Variants in GCA observed in about 807,000 individuals in gnomAD.
The protein encoded by GCA is grancalcin, EF-hand calcium-binding protein.
Under a neutral mutation model 32.6 loss-of-function variants are expected in GCA, and 30 were observed. The ratio of observed to expected loss-of-function variants is 0.92; its 90% CI spans 0.69 to 1.25. GCA has a LOEUF of 1.25. Ranked by LOEUF, GCA falls within the 50% of genes most tolerant of loss-of-function variation. The probability of loss-of-function intolerance (pLI) is 0.00; values close to 1 mark genes in which losing one functional copy is unlikely to be tolerated. For synonymous variants in GCA, 102 were observed against 84.6 expected (o/e 1.21, Z -1.13); for missense variants, 291 against 266.8 (o/e 1.09, Z -0.63).
chr2:162,347,764 A>G, intron 2 of GCA, 22 bp downstream of exon 2: 3 of 1,390,316 alleles, frequency 2.2e-6, no homozygotes, highest in East Asian at 2.4e-5. Flanking sequence ...AATTTATTGC[A>G]TAAATATGTC....
intron 3 of GCA, among the ~76,000 whole-genome samples, chr2:162,354,828 C>T (rs1685183547): frequency 1.3e-5 from 2 of 152,138 alleles, no homozygotes; most frequent in South Asian, 4.1e-4. Flanking sequence ...TCAGTTTACT[C>T]TCCATTCTAA....
In GCA at chr2:162,361,624, A is replaced by G. The variant is rs1282269107; in HGVS notation, c.*1381A>G. On this transcript the variant is annotated 3_prime_UTR_variant, in exon 8 of 8. Transcript: ENST00000437150. ...AAATCCTGGAAAGGAAGTAACGCATAGTCACTTGACACTGATAATTTTATA... is the reference window on the plus strand; with the variant it reads ...AAATCCTGGAAAGGAAGTAACGCATGGTCACTTGACACTGATAATTTTATA... 27 of 982,026 alleles carry G rather than the reference A, an allele frequency of 2.7e-5. No individual in the cohort carries two copies. The highest frequency in any genetic ancestry group is 2.9e-5 in the Non-Finnish European group (24 of 827,122). The allele number at this position is 982,026 out of a possible 1,614,324, so 60.8% of individuals were successfully genotyped here. A position where few individuals can be genotyped will look rare whatever the true frequency, so the allele number is the denominator to read the frequency against.
upstream of GCA, chr2:162,344,037 T>A (rs547482928): frequency 7.8e-5 from 47 of 600,076 alleles, no homozygotes; most frequent in African/African-American, 8.5e-4. Context: ...TGCAGCTGAG[T>A]TGGCTCCAAA....
intron 1 of GCA, among the ~76,000 whole-genome samples, chr2:162,324,330 G>T (rs532034638): frequency 6.6e-6 from 1 of 152,136 alleles, no homozygotes; most frequent in Non-Finnish European, 1.5e-5. Context: ...AGTGGAGGTA[G>T]CTCAGGGGAA....
At chr2:162,332,331 A>G (rs1684123738) in intron 1 of GCA, among the ~76,000 whole-genome samples, 2 of 145,318 alleles carry the variant, frequency 1.4e-5, no homozygotes, top group African/African-American at 5.0e-5. Flanking sequence ...AAATATATAT[A>G]TATATATAAT....
In GCA at chr2:162,362,242, T is replaced by C. The variant is rs1471047927; in HGVS notation, c.*1999T>C. ...ATTTGACCCAGTTTTTTCCAAACTT[T>C]TTGACCACAGAACCCCTTTCTCTAG... On this transcript the variant is annotated 3_prime_UTR_variant, in exon 8 of 8. Transcript: ENST00000437150. 1 of 984,634 alleles carries C rather than the reference T, an allele frequency of 1.0e-6. No individual in the cohort carries two copies. Among genetic ancestry groups the C allele is most frequent in the South Asian group, 4.7e-5 (1 of 21,286 alleles). 61.0% of individuals were successfully genotyped at this position (984,634 alleles called of 1,614,324 possible).
intron 2 of GCA, among the ~76,000 whole-genome samples, chr2:162,348,271 C>T (rs3788965): frequency 0.12 from 17,596 of 151,974 alleles, 2,329 homozygotes; most frequent in African/African-American, 0.29. Context: ...GTAGGAAGCA[C>T]TTTAAAAAAT....
chr2:162,329,344 TGTA>T (rs1683995307), intron 1 of GCA, among the ~76,000 whole-genome samples: 1 of 152,200 alleles, frequency 6.6e-6, no homozygotes, highest in African/African-American at 2.4e-5. Context: ...GTAGGAAGGC[TGTA>T]GAATTAATTA....
chr2:162,328,045 A>C (rs537280929), intron 1 of GCA, among the ~76,000 whole-genome samples: 101 of 152,122 alleles, frequency 6.6e-4, no homozygotes, highest in South Asian at 4.1e-3. Context: ...CCGTCGCTGC[A>C]CTGTGGGAGC....
At chr2:162,346,213 A>G (rs77038969) in intron 1 of GCA, among the ~76,000 whole-genome samples, 1 of 151,808 alleles carries the variant, frequency 6.6e-6, no homozygotes, top group Non-Finnish European at 1.5e-5. Context: ...AGTGTTTTCA[A>G]TAATAAAAAA....
At chr2:162,324,190 A>C (rs1363282317) in intron 1 of GCA, among the ~76,000 whole-genome samples, 1 of 152,116 alleles carries the variant, frequency 6.6e-6, no homozygotes, top group African/African-American at 2.4e-5. Flanking sequence ...GGCTTGTGTT[A>C]ACAAGCTCAG....
chr2:162,329,840 T>C (rs1336003476), intron 1 of GCA, among the ~76,000 whole-genome samples: 1 of 152,090 alleles, frequency 6.6e-6, no homozygotes. Flanking sequence ...CTCGCACCCT[T>C]CACTATCCAG....
chr2:162,371,955 G>T (rs78734560), downstream of GCA: 9 of 1,613,742 alleles, frequency 5.6e-6, no homozygotes, highest in Admixed American at 8.3e-5. Context: ...TTTGCCGCAG[G>T]TGAAGCTCTA....
downstream of GCA, chr2:162,371,952 C>T (rs147843561): frequency 1.5e-5 from 24 of 1,613,730 alleles, no homozygotes; most frequent in Non-Finnish European, 1.9e-5. Flanking sequence ...TTCTTTGCCG[C>T]AGGTGAAGCT....
Position 162,356,893 on chromosome 2 carries a change from A to G in GCA, c.442A>G (p.Ile148Val). 6.2e-7 allele frequency: 1 copy of G among 1,605,048 alleles called. No homozygotes were observed. Among genetic ancestry groups the G allele is most frequent in the African/African-American group, 1.3e-5 (1 of 74,792 alleles). ...TVEHHELRQA[I>V]GLMGYRLSPQ... ...AGAACATCATGAGTTGCGTCAAGCC[A>G]TTGGTCTTATGGGTAAGAACATTAA... Residue 148 changes from isoleucine to valine, a missense_variant, in exon 5 of 8, where the codon ATT (isoleucine) becomes GTT (valine). Transcript: ENST00000437150.
intron 1 of GCA, among the ~76,000 whole-genome samples, chr2:162,329,793 T>C (rs928242391): frequency 1.4e-4 from 21 of 152,134 alleles, no homozygotes; most frequent in Non-Finnish European, 2.6e-4. Flanking sequence ...ATATTAAGCC[T>C]AGTACCCATT....
intron 1 of GCA, among the ~76,000 whole-genome samples, chr2:162,327,732 G>T (rs1043397357): frequency 2.6e-5 from 4 of 152,220 alleles, no homozygotes; most frequent in African/African-American, 9.6e-5. Context: ...GGCATACCTG[G>T]CACCTCCAGG....
upstream of GCA, among the ~76,000 whole-genome samples, chr2:162,340,532 T>C (rs1265357073): frequency 6.6e-6 from 1 of 152,200 alleles, no homozygotes; most frequent in Non-Finnish European, 1.5e-5. Flanking sequence ...CTAACCTCCT[T>C]CTGTCTGTTG....
At chr2:162,352,803 C>T (rs918109458) in intron 3 of GCA, among the ~76,000 whole-genome samples, 1 of 152,124 alleles carries the variant, frequency 6.6e-6, no homozygotes, top group African/African-American at 2.4e-5. Context: ...GGAACATTTC[C>T]CATCCTCCTG....
Sources: gnomAD v4.1 joint callset for allele counts (sites outside exome capture counted in the v4.1 genomes callset) on GRCh38, gnomAD v4.1.1 for gene constraint, MANE v1.5 for transcripts, NCBI Gene and HGNC (gene_info 2026-07-23, HGNC 2026-07-21) for gene names.